MTA3: variants seen among roughly 807,000 people sequenced by gnomAD.
The protein encoded by MTA3 is metastasis-associated protein MTA3.
Under a neutral mutation model 83.5 loss-of-function variants are expected in MTA3, and 34 were observed. The ratio of observed to expected loss-of-function variants is 0.41; its 90% CI spans 0.31 to 0.54. MTA3 has a LOEUF of 0.54. MTA3 is among the 20% of genes least tolerant of loss of function. The pLI, the probability that MTA3 is intolerant of heterozygous loss-of-function variation, is 0.33. For synonymous variants in MTA3, 303 were observed against 252.7 expected, an observed-to-expected ratio of 1.20 and a Z score of -1.89; for missense variants, 761 against 726.4, an observed-to-expected ratio of 1.05 and a Z score of -0.55.
chr2:42,551,008 C>T (rs1010183778), intron 2 of MTA3, among the ~76,000 whole-genome samples: 1 of 151,098 alleles, frequency 6.6e-6, no homozygotes, highest in African/African-American at 2.4e-5. Context: ...AGAGATCGCA[C>T]CATTGCACGC....
At chr2:42,660,804 A>G (rs927998559) in intron 8 of MTA3, among the ~76,000 whole-genome samples, 2 of 152,234 alleles carry the variant, frequency 1.3e-5, no homozygotes, top group Non-Finnish European at 2.9e-5. Context: ...TTTTCATAAA[A>G]TATTTATTTT....
intron 10 of MTA3, 130 bp downstream of exon 10, chr2:42,695,969 C>T: frequency 1.7e-6 from 1 of 573,552 alleles, no homozygotes; most frequent in Non-Finnish European, 3.1e-6. Context: ...CTTTAAACTA[C>T]ATGATTTCAT....
intron 2 of MTA3, among the ~76,000 whole-genome samples, chr2:42,560,905 T>A (rs1275869720): frequency 6.6e-6 from 1 of 152,196 alleles, no homozygotes; most frequent in East Asian, 1.9e-4. Context: ...AGACTCCATC[T>A]CAAAAACAAA....
chr2:42,532,025 G>A (rs992114199), intron 2 of MTA3, among the ~76,000 whole-genome samples: 1 of 152,106 alleles, frequency 6.6e-6, no homozygotes, highest in African/African-American at 2.4e-5. Flanking sequence ...CAAAGTGTTG[G>A]GATTATAGGT....
chr2:42,535,105 G>C (rs1572940347), intron 2 of MTA3, among the ~76,000 whole-genome samples: 2 of 152,186 alleles, frequency 1.3e-5, no homozygotes, highest in East Asian at 1.9e-4. Flanking sequence ...ACCCAGTACA[G>C]GCTGGGCGCG....
chr2:42,605,736 G>T (rs1683235833), intron 3 of MTA3, among the ~76,000 whole-genome samples: 1 of 125,504 alleles, frequency 8.0e-6, no homozygotes, highest in Non-Finnish European at 1.7e-5. Flanking sequence ...CCTCCCTCCT[G>T]GATGGGGCGG....
chr2:42,676,853 A>G (rs1308136397), intron 8 of MTA3, among the ~76,000 whole-genome samples: 1 of 152,176 alleles, frequency 6.6e-6, no homozygotes, highest in Non-Finnish European at 1.5e-5. Context: ...TTTATTGTAA[A>G]TTTAGAAGGT....
At chr2:42,574,687 A>G (rs868111881) in intron 2 of MTA3, among the ~76,000 whole-genome samples, 3 of 152,260 alleles carry the variant, frequency 2.0e-5, no homozygotes, top group Middle Eastern at 3.4e-3. Context: ...TGGCCTCCCA[A>G]AGTGCTGGGA....
At chr2:42,710,549 C>CAAAAAAAAAA (rs765315082) in intron 14 of MTA3, among the ~76,000 whole-genome samples, 3 of 61,066 alleles carry the variant, frequency 4.9e-5, no homozygotes, top group East Asian at 5.6e-4. Flanking sequence ...AACTTCATCT[C>CAAAAAAAAAA]AAAAAAAAAA....
At chr2:42,627,725 A>ATTGTTTTT (rs1686250229) in intron 4 of MTA3, among the ~76,000 whole-genome samples, 15 of 103,372 alleles carry the variant, frequency 1.5e-4, no homozygotes, top group African/African-American at 5.6e-4. Flanking sequence ...GCCTGGCTAA[A>ATTGTTTTT]TTTTTTTTTT....
In MTA3 at chr2:42,568,663, A is replaced by C. The variant is rs1300186093; in HGVS notation, c.-83A>C. 4 of 877,980 alleles carry C rather than the reference A, an allele frequency of 4.6e-6. No individual in the cohort carries two copies. The highest frequency in any genetic ancestry group is 5.4e-5 in the South Asian group (1 of 18,566). 54.4% of individuals were successfully genotyped at this position (877,980 alleles called of 1,614,324 possible). A position where few individuals can be genotyped will look rare whatever the true frequency, so the allele number is the denominator to read the frequency against. On this transcript the variant is annotated 5_prime_UTR_variant, in exon 1 of 17. Coordinates refer to ENST00000405094, the MANE Select transcript of MTA3 (RefSeq NM_001330442.2). ...AGGCAGCAGCGACGGCGGCGGCGGCAGCGGCGGTCGCGGCTGAGGCTGAGG... is the reference window on the plus strand; with the variant it reads ...AGGCAGCAGCGACGGCGGCGGCGGCCGCGGCGGTCGCGGCTGAGGCTGAGG...
At chr2:42,582,058 TA>T (rs1235072672) in intron 3 of MTA3, 1 of 152,600 alleles carries the variant, frequency 6.6e-6, no homozygotes, top group African/African-American at 2.4e-5. Flanking sequence ...CAATATGAGA[TA>T]TTTTATCTTT....
chr2:42,513,484 G>A (rs1674992135), intron 2 of MTA3, among the ~76,000 whole-genome samples: 1 of 152,216 alleles, frequency 6.6e-6, no homozygotes, highest in South Asian at 2.1e-4. Context: ...TAGACTCCAA[G>A]TGAAGAAGGA....
intron 2 of MTA3, among the ~76,000 whole-genome samples, chr2:42,576,372 C>T (rs151202480): frequency 6.2e-4 from 94 of 152,170 alleles, no homozygotes; most frequent in Admixed American, 3.3e-3. Flanking sequence ...GAAGAGAGGA[C>T]GCAGGAGTGT....
chr2:42,614,160 C>T (rs7562984), intron 4 of MTA3: 115,935 of 151,990 alleles, frequency 0.76, 44,688 homozygotes, highest in Middle Eastern at 0.88. Flanking sequence ...TGCAGTGGCA[C>T]GATCTTGGCT....
intron 14 of MTA3, 108 bp downstream of exon 14, chr2:42,709,204 C>G (rs1282992539): frequency 4.1e-6 from 6 of 1,463,158 alleles, no homozygotes; most frequent in Non-Finnish European, 5.4e-6. Flanking sequence ...AACATAAGTT[C>G]TTGTGTACAG....
chr2:42,604,057 T>C lies in MTA3; in HGVS notation c.191-5401T>C, dbSNP rs192461731. ...AGCCACCGCACCCAGCTCTTTGTTT[T>C]TGAAACAGAGTTTTGCTCTTGTCGC... On this transcript the variant is annotated intron_variant, in intron 3 of 16. Coordinates refer to ENST00000405094, the MANE Select transcript of MTA3 (RefSeq NM_001330442.2). Among the ~76,000 whole-genome samples the C allele has an allele frequency of 4.4e-3, 658 of 149,818 alleles. 3 individuals carry two copies. Among genetic ancestry groups the C allele is most frequent in the African/African-American group, 0.015 (626 of 40,576 alleles).
intron 3 of MTA3, among the ~76,000 whole-genome samples, chr2:42,592,027 GC>G (rs1449448477): frequency 2.0e-5 from 3 of 152,184 alleles, no homozygotes; most frequent in Non-Finnish European, 4.4e-5. Context: ...ACTTTGGGGG[GC>G]TGAGGCTGGC....
intron 2 of MTA3, among the ~76,000 whole-genome samples, chr2:42,576,523 G>C (rs1164552614): frequency 1.3e-5 from 2 of 152,182 alleles, no homozygotes; most frequent in Non-Finnish European, 2.9e-5. Context: ...CCAGCTGCTC[G>C]AGAGGCTGAG....
Sources: gnomAD v4.1 joint callset for allele counts (sites outside exome capture counted in the v4.1 genomes callset) on GRCh38, gnomAD v4.1.1 for gene constraint, MANE v1.5 for transcripts, NCBI Gene and HGNC (gene_info 2026-07-23, HGNC 2026-07-21) for gene names.